Variants in SGCZ observed in about 807,000 individuals in gnomAD.
The protein encoded by SGCZ is sarcoglycan zeta, also known as zeta-sarcoglycan.
A neutral mutation model predicts 41.3 loss-of-function variants in SGCZ; 40 were observed. The ratio of observed to expected loss-of-function variants is 0.97; its 90% CI spans 0.75 to 1.26. The LOEUF is 1.26. Among genes scored for constraint, SGCZ ranks in the 50% most tolerant of loss-of-function variants. The probability of loss-of-function intolerance (pLI) is 0.00; values close to 1 mark genes in which losing one functional copy is unlikely to be tolerated. For synonymous variants in SGCZ, 206 were observed against 137.5 expected (o/e 1.50, Z -3.49); for missense variants, 552 against 369.8 (o/e 1.49, Z -4.04).
intron 1 of SGCZ, among the ~76,000 whole-genome samples, chr8:14,712,396 G>C (rs1192318439): frequency 1.3e-5 from 2 of 152,146 alleles, no homozygotes; most frequent in Non-Finnish European, 2.9e-5. Context: ...TTTTACAGAG[G>C]CATCATTAGA....
At chr8:14,756,855 A>T (rs1400833612) in intron 1 of SGCZ, among the ~76,000 whole-genome samples, 3 of 152,206 alleles carry the variant, frequency 2.0e-5, no homozygotes, top group African/African-American at 4.8e-5. Context: ...AGTTATGAAA[A>T]GCCAACAGTA....
chr8:14,683,508 A>G (rs565823193), intron 1 of SGCZ, among the ~76,000 whole-genome samples: 4 of 152,254 alleles, frequency 2.6e-5, no homozygotes, highest in African/African-American at 7.2e-5. Context: ...GATTAACTTG[A>G]AACACACAAT....
intron 3 of SGCZ, among the ~76,000 whole-genome samples, chr8:14,258,531 G>T (rs1226595411): frequency 6.6e-6 from 1 of 152,064 alleles, no homozygotes; most frequent in Non-Finnish European, 1.5e-5. Flanking sequence ...AAGATATGAA[G>T]AAATATAACA....
chr8:14,285,699 A>G (rs1403789450), intron 3 of SGCZ, among the ~76,000 whole-genome samples: 1 of 152,140 alleles, frequency 6.6e-6, no homozygotes, highest in Non-Finnish European at 1.5e-5. Flanking sequence ...ATAGTTGTAC[A>G]GAAACCAGGG....
At chr8:14,249,307 A>T (rs143848026) in intron 3 of SGCZ, among the ~76,000 whole-genome samples, 136 of 152,228 alleles carry the variant, frequency 8.9e-4, no homozygotes, top group African/African-American at 3.3e-3. Context: ...TCAGGCCTTC[A>T]TGTTTGGTTT....
chr8:14,086,232 G>T lies in SGCZ; in HGVS notation c.*4211C>A, dbSNP rs535284117. On this transcript the variant is annotated 3_prime_UTR_variant, in exon 8 of 8. Coordinates refer to ENST00000382080, the MANE Select transcript of SGCZ (RefSeq NM_139167.4). ...TGAATTTGGCTTTGAGGATTTTATA[G>T]AAAATTTGGCTATTAAATACTTTCA... is the stretch of plus-strand genomic sequence containing the variant. Among the ~76,000 whole-genome samples the T allele has an allele frequency of 1.3e-5, 2 of 151,732 alleles. No homozygotes were observed. Among genetic ancestry groups the T allele is most frequent in the East Asian group, 3.9e-4 (2 of 5,128 alleles).
At chr8:14,131,431 A>G (rs901789571) in intron 5 of SGCZ, among the ~76,000 whole-genome samples, 1 of 152,124 alleles carries the variant, frequency 6.6e-6, no homozygotes, top group African/African-American at 2.4e-5. Context: ...TCTCCATAGA[A>G]CTTTTAGCAA....
At chr8:14,709,479 A>G (rs957608) in intron 1 of SGCZ, among the ~76,000 whole-genome samples, 122,825 of 152,116 alleles carry the variant, frequency 0.81, 50,075 homozygotes, top group African/African-American at 0.94. Context: ...GAAGAGGAGG[A>G]ACTAAAACCA....
At chr8:14,629,277 T>A (rs1806566098) in intron 1 of SGCZ, among the ~76,000 whole-genome samples, 2 of 152,148 alleles carry the variant, frequency 1.3e-5, no homozygotes, top group Non-Finnish European at 2.9e-5. Context: ...AATAAATCAC[T>A]TAGCTTAATG....
intron 5 of SGCZ, among the ~76,000 whole-genome samples, chr8:14,147,652 C>T (rs1803568356): frequency 6.6e-6 from 1 of 152,120 alleles, no homozygotes; most frequent in African/African-American, 2.4e-5. Flanking sequence ...TTGGACCTAT[C>T]CTCGAGACAG....
intron 3 of SGCZ, among the ~76,000 whole-genome samples, chr8:14,255,586 G>C (rs988543198): frequency 1.3e-5 from 2 of 151,776 alleles, no homozygotes; most frequent in South Asian, 4.1e-4. Context: ...ATTTATTAAA[G>C]ATAATTACAA....
At chr8:14,543,078 T>G (rs1159796820) in intron 2 of SGCZ, among the ~76,000 whole-genome samples, 1 of 151,940 alleles carries the variant, frequency 6.6e-6, no homozygotes, top group African/African-American at 2.4e-5. Context: ...CTGTTCTGCT[T>G]GGATATTTTA....
chr8:14,695,984 G>A (rs1236188299), intron 1 of SGCZ, among the ~76,000 whole-genome samples: 3 of 152,040 alleles, frequency 2.0e-5, no homozygotes, highest in Admixed American at 6.6e-5. Flanking sequence ...TACCATATCA[G>A]TGAAATTTTA....
At chr8:15,154,470 G>C (rs943946960) in intron 1 of SGCZ, among the ~76,000 whole-genome samples, 1 of 152,188 alleles carries the variant, frequency 6.6e-6, no homozygotes, top group Admixed American at 6.5e-5. Flanking sequence ...CTCCCTTAGA[G>C]AGGGTCACCA....
chr8:14,206,904 A>G (rs574689687), intron 4 of SGCZ, among the ~76,000 whole-genome samples: 2 of 152,228 alleles, frequency 1.3e-5, no homozygotes, highest in East Asian at 3.9e-4. Context: ...CTGGGAATAG[A>G]CCTGGTGGCC....
intron 1 of SGCZ, among the ~76,000 whole-genome samples, chr8:14,613,681 T>C (rs1173808054): frequency 1.3e-5 from 2 of 152,172 alleles, no homozygotes; most frequent in East Asian, 1.9e-4. Flanking sequence ...GTTAAAATAA[T>C]TGCATCATTT....
At chr8:15,026,312 G>A (rs563030070) in intron 1 of SGCZ, among the ~76,000 whole-genome samples, 1 of 152,226 alleles carries the variant, frequency 6.6e-6, no homozygotes, top group African/African-American at 2.4e-5. Flanking sequence ...ATTTCTGAAT[G>A]TCCTACAAAG....
intron 4 of SGCZ, among the ~76,000 whole-genome samples, chr8:14,185,727 T>C (rs1804882471): frequency 6.6e-6 from 1 of 152,194 alleles, no homozygotes; most frequent in Admixed American, 6.5e-5. Context: ...CGTCTTTCTA[T>C]TCTCTAAATA....
chr8:14,299,010 A>G (rs1801104983), intron 3 of SGCZ, among the ~76,000 whole-genome samples: 1 of 152,082 alleles, frequency 6.6e-6, no homozygotes, highest in South Asian at 2.1e-4. Context: ...ATATAGGTCA[A>G]TTGAACCGAA....
Sources: allele counts gnomAD v4.1 joint callset (sites outside exome capture counted in the v4.1 genomes callset), GRCh38; gene constraint gnomAD v4.1.1; transcripts MANE v1.5; gene names NCBI Gene and HGNC (gene_info 2026-07-23, HGNC 2026-07-21).